Variants in LITAF observed in about 807,000 individuals in gnomAD.
LITAF encodes the protein lipopolysaccharide-induced tumor necrosis factor-alpha factor.
A neutral mutation model predicts 14.5 loss-of-function variants in LITAF; 9 were observed. The observed-to-expected ratio is 0.62, with a 90% CI of 0.37 to 1.08. The LOEUF (loss-of-function observed/expected upper bound fraction) is 1.08, where lower values mean the gene tolerates loss of function less well. LITAF is among the 50% of genes least tolerant of loss of function. LITAF has a pLI of 0.01. For missense variants in LITAF, 206 were observed against 213.4 expected (o/e 0.97, Z 0.22); for synonymous variants, 98 against 88.2 (o/e 1.11, Z -0.62).
intron 3 of LITAF, among the ~76,000 whole-genome samples, chr16:11,611,359 GA>G: frequency 6.6e-6 from 1 of 152,014 alleles, no homozygotes. Flanking sequence ...ATATATATAG[GA>G]TGCCCAGTTA....
intron 1 of LITAF, among the ~76,000 whole-genome samples, chr16:11,570,646 T>C (rs1028019964): frequency 6.6e-6 from 1 of 152,226 alleles, no homozygotes; most frequent in African/African-American, 2.4e-5. Flanking sequence ...GGGGTTATTC[T>C]GGATTAACCA....
chr16:11,612,359 T>TG (rs1033194844), intron 3 of LITAF, among the ~76,000 whole-genome samples: 2 of 152,124 alleles, frequency 1.3e-5, no homozygotes, highest in Admixed American at 6.5e-5. Flanking sequence ...AGGGGCCACC[T>TG]GGGGGGCAGC....
upstream of LITAF, among the ~76,000 whole-genome samples, chr16:11,601,934 T>C (rs2064930417): frequency 6.6e-6 from 1 of 152,166 alleles, no homozygotes; most frequent in South Asian, 2.1e-4. Flanking sequence ...CTAGATGGGA[T>C]GTTCTTGCTC....
chr16:11,564,783 G>C (rs1178555889), intron 1 of LITAF, among the ~76,000 whole-genome samples: 3 of 152,064 alleles, frequency 2.0e-5, no homozygotes, highest in Non-Finnish European at 4.4e-5. Context: ...AATGAACCTC[G>C]AAAGCACAAA....
chr16:11,587,717 A>G (rs1183697363), upstream of LITAF, among the ~76,000 whole-genome samples: 1 of 152,166 alleles, frequency 6.6e-6, no homozygotes, highest in Non-Finnish European at 1.5e-5. Flanking sequence ...AATGGGTGCC[A>G]TCTGCCCGTC....
chr16:11,601,827 C>T (rs1219309182), upstream of LITAF, among the ~76,000 whole-genome samples: 1 of 152,134 alleles, frequency 6.6e-6, no homozygotes. Flanking sequence ...CCCATGTTGT[C>T]GGGATTACAG....
At chr16:11,603,942 G>A (rs911541942) in intron 3 of LITAF, among the ~76,000 whole-genome samples, 1 of 152,280 alleles carries the variant, frequency 6.6e-6, no homozygotes, top group Non-Finnish European at 1.5e-5. Context: ...AGCTACTCAG[G>A]AGGCTGAGGC....
chr16:11,557,203 C>T (rs868749111), intron 1 of LITAF, among the ~76,000 whole-genome samples: 17 of 151,692 alleles, frequency 1.1e-4, no homozygotes, highest in African/African-American at 4.1e-4. Flanking sequence ...GGGCCAGATG[C>T]CACAAAATGC....
chr16:11,588,696 A>G (rs2064830601), upstream of LITAF, among the ~76,000 whole-genome samples: 1 of 152,090 alleles, frequency 6.6e-6, no homozygotes, highest in Non-Finnish European at 1.5e-5. Context: ...AAAGGTACCA[A>G]TTATTATACT....
At chr16:11,570,288 T>G (rs1470775539) in intron 1 of LITAF, among the ~76,000 whole-genome samples, 1 of 152,138 alleles carries the variant, frequency 6.6e-6, no homozygotes, top group East Asian at 1.9e-4. Flanking sequence ...AGGTTACTAT[T>G]ATATCAACAC....
At chr16:11,598,586 C>T (rs920694250), upstream of LITAF, 2 of 152,008 alleles carry the variant, frequency 1.3e-5, no homozygotes, top group South Asian at 2.1e-4. Context: ...AGGGGGTAAC[C>T]GGGGCTTACG....
chr16:11,623,826 G>A (rs896655812), intron 3 of LITAF, among the ~76,000 whole-genome samples: 11 of 151,726 alleles, frequency 7.2e-5, no homozygotes, highest in South Asian at 2.1e-4. Flanking sequence ...AATTACCTGG[G>A]CATGGTGGCA....
At chr16:11,631,413 T>G (rs1349804734) in intron 3 of LITAF, among the ~76,000 whole-genome samples, 2 of 152,102 alleles carry the variant, frequency 1.3e-5, no homozygotes, top group Non-Finnish European at 2.9e-5. Context: ...TTGTTGTTGT[T>G]GAGACAGGGT....
upstream of LITAF, among the ~76,000 whole-genome samples, chr16:11,601,018 C>G (rs112344173): frequency 0.014 from 2,117 of 152,002 alleles, 25 homozygotes; most frequent in Middle Eastern, 0.024. Context: ...GGAAAGTGAC[C>G]AAGAAGAAAA....
At chr16:11,588,152 G>A (rs567278994), upstream of LITAF, among the ~76,000 whole-genome samples, 26 of 152,220 alleles carry the variant, frequency 1.7e-4, no homozygotes, top group African/African-American at 5.8e-4. Flanking sequence ...CCAAGCATAG[G>A]AGGTTCCCAT....
upstream of LITAF, among the ~76,000 whole-genome samples, chr16:11,637,731 A>G (rs549691422): frequency 3.2e-4 from 48 of 151,386 alleles, no homozygotes; most frequent in African/African-American, 1.1e-3. Flanking sequence ...AAAATTTAAA[A>G]ATTAGCCAGG....
intron 1 of LITAF, among the ~76,000 whole-genome samples, chr16:11,580,962 G>A (rs1443215377): frequency 6.6e-6 from 1 of 151,904 alleles, no homozygotes; most frequent in Non-Finnish European, 1.5e-5. Flanking sequence ...ACAGGGCTTT[G>A]CCATGTTGCC....
At chr16:11,639,209 A>G (rs908826983), upstream of LITAF, among the ~76,000 whole-genome samples, 4 of 151,726 alleles carry the variant, frequency 2.6e-5, no homozygotes, top group Admixed American at 2.0e-4. Flanking sequence ...GGGTAGATGG[A>G]TGAATGGTTA....
chr16:11,575,765 A>T (rs552022636), intron 1 of LITAF, among the ~76,000 whole-genome samples: 1 of 152,340 alleles, frequency 6.6e-6, no homozygotes, highest in African/African-American at 2.4e-5. Flanking sequence ...AAGTTGAAAC[A>T]CAGCAGAAAC....
Sources: allele counts gnomAD v4.1 joint callset (sites outside exome capture counted in the v4.1 genomes callset), GRCh38; gene constraint gnomAD v4.1.1; transcripts MANE v1.5; gene names NCBI Gene and HGNC (gene_info 2026-07-23, HGNC 2026-07-21).